RNF220: variants seen among roughly 807,000 people sequenced by gnomAD.
RNF220 encodes E3 ubiquitin-protein ligase RNF220.
In RNF220, 7 loss-of-function variants were observed where a neutral mutation model predicts 67.1. That is an observed-to-expected ratio of 0.10 (90% CI 0.06 to 0.20). The LOEUF is 0.20. Ranked by LOEUF, RNF220 falls within the 10% of genes least tolerant of loss-of-function variation. RNF220 has a pLI of 1.00. For missense variants in RNF220, 565 were observed against 740.3 expected, an observed-to-expected ratio of 0.76 and a Z score of 2.75; for synonymous variants, 270 against 283.2, an observed-to-expected ratio of 0.95 and a Z score of 0.47.
chr1:44,497,336 C>A (rs1321542353), intron 2 of RNF220, among the ~76,000 whole-genome samples: 2 of 58,268 alleles, frequency 3.4e-5, no homozygotes, highest in African/African-American at 1.1e-4. Flanking sequence ...CTCCCCTTCC[C>A]TGACACACAC....
intron 2 of RNF220, among the ~76,000 whole-genome samples, chr1:44,499,099 C>T (rs1246436958): frequency 6.6e-6 from 1 of 152,158 alleles, no homozygotes; most frequent in Non-Finnish European, 1.5e-5. Context: ...ACCCTGCCTG[C>T]CTTTCATGTC....
intron 2 of RNF220, chr1:44,545,374 T>G (rs895648913): frequency 6.5e-6 from 1 of 154,198 alleles, no homozygotes; most frequent in Non-Finnish European, 1.5e-5. Context: ...TTCCATGCCA[T>G]TAACTTTCAG....
chr1:44,442,659 C>T (rs1218706965), intron 2 of RNF220, among the ~76,000 whole-genome samples: 6 of 151,852 alleles, frequency 4.0e-5, no homozygotes, highest in Non-Finnish European at 8.8e-5. Flanking sequence ...GAGTTACCGG[C>T]GTGCACTACC....
At chr1:44,527,357 AAAGGAAGGAGGAAAGG>A (rs1660455875) in intron 2 of RNF220, among the ~76,000 whole-genome samples, 1 of 151,982 alleles carries the variant, frequency 6.6e-6, no homozygotes, top group Non-Finnish European at 1.5e-5. Flanking sequence ...CTCTTTCACC[AAAGGAAGGAGGAAAGG>A]AAGGAAGGAA....
chr1:44,558,023 C>T (rs144940188), intron 2 of RNF220, among the ~76,000 whole-genome samples: 7 of 152,320 alleles, frequency 4.6e-5, no homozygotes, highest in Non-Finnish European at 1.0e-4. Flanking sequence ...CTCCTTCTTC[C>T]GTCACATCTT....
chr1:44,564,972 T>C (rs1417357251), intron 2 of RNF220, among the ~76,000 whole-genome samples: 2 of 152,124 alleles, frequency 1.3e-5, no homozygotes, highest in African/African-American at 4.8e-5. Context: ...GGGCCTGGCC[T>C]GAATCAACTC....
chr1:44,509,124 A>G (rs12138940), intron 2 of RNF220, among the ~76,000 whole-genome samples: 26,502 of 152,230 alleles, frequency 0.17, 2,875 homozygotes, highest in Non-Finnish European at 0.24. Flanking sequence ...AGACAGTCCC[A>G]TTTACGGGTG....
intron 2 of RNF220, 28 bp from the exon 3 acceptor site, chr1:44,614,137 C>T (rs940804744): frequency 6.8e-6 from 11 of 1,613,374 alleles, no homozygotes; most frequent in Non-Finnish European, 8.5e-6. Flanking sequence ...CCAGCTTACG[C>T]GTCTGTCTGT....
chr1:44,444,680 A>G (rs1651904782), intron 2 of RNF220, among the ~76,000 whole-genome samples: 1 of 152,144 alleles, frequency 6.6e-6, no homozygotes, highest in Non-Finnish European at 1.5e-5. Context: ...GACTCAAGCA[A>G]TTTGCCTGCC....
intron 2 of RNF220, among the ~76,000 whole-genome samples, chr1:44,539,459 C>T (rs547562957): frequency 1.3e-4 from 20 of 152,150 alleles, no homozygotes; most frequent in Non-Finnish European, 1.6e-4. Context: ...CTCTACGTGC[C>T]ATGCACCATA....
chr1:44,503,554 C>T (rs1353554132), intron 2 of RNF220, among the ~76,000 whole-genome samples: 2 of 152,120 alleles, frequency 1.3e-5, no homozygotes, highest in Non-Finnish European at 2.9e-5. Flanking sequence ...GTTTACTTGT[C>T]CATCTGATTT....
chr1:44,417,611 C>A lies in RNF220; in HGVS notation c.625+4889C>A, dbSNP rs1572429581. Reference sequence around the variant, plus strand: ...ATCACCATGGTGAGAAAACGGACACCGCAGCCGTCCTCCCTCCTCGCCCCG... The same window carrying A: ...ATCACCATGGTGAGAAAACGGACACAGCAGCCGTCCTCCCTCCTCGCCCCG... On this transcript the variant is annotated intron_variant, in intron 2 of 14. Transcript: ENST00000361799. The surrounding 1 kb of genome is among the most constrained non-coding windows in gnomAD (Gnocchi z 4.0). Among the ~76,000 whole-genome samples, 1 of 152,330 alleles carries A rather than the reference C, an allele frequency of 6.6e-6. No individual in the cohort carries two copies. Among genetic ancestry groups the A allele is most frequent in the South Asian group, 2.1e-4 (1 of 4,830 alleles).
chr1:44,545,557 T>C (rs1199033742), intron 2 of RNF220: 1 of 154,244 alleles, frequency 6.5e-6, no homozygotes, highest in Non-Finnish European at 1.5e-5. Context: ...CCAATTATGC[T>C]CCTTGTGGTT....
At chr1:44,440,886 ACTC>A (rs765339710) in intron 2 of RNF220, among the ~76,000 whole-genome samples, 3 of 151,316 alleles carry the variant, frequency 2.0e-5, no homozygotes, top group Non-Finnish European at 2.9e-5. Flanking sequence ...TCAAAGAAAA[ACTC>A]CTCCAGGTGC....
At chr1:44,508,447 C>T (rs781770) in intron 2 of RNF220, among the ~76,000 whole-genome samples, 32,337 of 152,162 alleles carry the variant, frequency 0.21, 3,612 homozygotes, top group African/African-American at 0.25. Flanking sequence ...TACCCATCTT[C>T]CCTTCTGCTG....
At position 44,533,692 on chromosome 1, in the gene RNF220, C is replaced by T. The variant is rs61787527; in HGVS notation, c.626-80473C>T. On this transcript the variant is annotated intron_variant, in intron 2 of 14. Coordinates refer to ENST00000361799, the MANE Select transcript of RNF220 (RefSeq NM_018150.4). Reference sequence around the variant, plus strand: ...ATAGAAGTACAGGGTGCTTCCAGCACATGAAGGGTCACCTAGATCAGACAA... The same window carrying T: ...ATAGAAGTACAGGGTGCTTCCAGCATATGAAGGGTCACCTAGATCAGACAA... Among the ~76,000 whole-genome samples the T allele has an allele frequency of 2.0e-5, 3 of 152,284 alleles. No homozygotes were observed. The East Asian group carries it at 5.8e-4, about 29-fold the overall frequency.
intron 2 of RNF220, among the ~76,000 whole-genome samples, chr1:44,460,463 T>A (rs1260918195): frequency 6.6e-6 from 1 of 152,170 alleles, no homozygotes; most frequent in African/African-American, 2.4e-5. Flanking sequence ...TAGGTAACTA[T>A]TTCAAGATGT....
intron 2 of RNF220, among the ~76,000 whole-genome samples, chr1:44,437,430 G>A (rs556380231): frequency 6.6e-6 from 1 of 152,262 alleles, no homozygotes; most frequent in Admixed American, 6.5e-5. Flanking sequence ...ACTGCTGATT[G>A]AACTTGTTTT....
intron 2 of RNF220, among the ~76,000 whole-genome samples, chr1:44,596,850 G>T (rs139067298): frequency 2.6e-5 from 4 of 152,166 alleles, no homozygotes; most frequent in Non-Finnish European, 4.4e-5. Context: ...GTTTGCCCAA[G>T]AACTAAATGA....
Sources: gnomAD v4.1 joint callset for allele counts (sites outside exome capture counted in the v4.1 genomes callset) on GRCh38, gnomAD v4.1.1 for gene constraint, Gnocchi (gnomAD v3.1) non-coding constraint, MANE v1.5 for transcripts, NCBI Gene and HGNC (gene_info 2026-07-23, HGNC 2026-07-21) for gene names.